Variants in ECE1 observed in about 807,000 individuals in gnomAD.
The protein encoded by ECE1 is endothelin-converting enzyme 1.
Under a neutral mutation model 98.6 loss-of-function variants are expected in ECE1, and 35 were observed. The ratio of observed to expected loss-of-function variants is 0.35; its 90% CI spans 0.27 to 0.47. The LOEUF is 0.47. Ranked by LOEUF, ECE1 falls within the 20% of genes least tolerant of loss-of-function variation. ECE1 has a pLI of 1.00. For missense variants in ECE1, 814 were observed against 1,025.3 expected (o/e 0.79, Z 2.81); for synonymous variants, 394 against 407.1 (o/e 0.97, Z 0.39).
intron 2 of ECE1, among the ~76,000 whole-genome samples, chr1:21,283,244 C>T (rs923262164): frequency 3.3e-5 from 5 of 151,636 alleles, no homozygotes; most frequent in African/African-American, 1.2e-4. Context: ...AGCGCCCGGC[C>T]CATAACATTC....
chr1:21,275,378 T>G (rs2098245333), intron 3 of ECE1, among the ~76,000 whole-genome samples: 1 of 152,186 alleles, frequency 6.6e-6, no homozygotes, highest in East Asian at 1.9e-4. Flanking sequence ...GCGGATCACC[T>G]GAGGTCAGGA....
chr1:21,221,231 G>T (rs749778273), intron 18 of ECE1, among the ~76,000 whole-genome samples: 11 of 152,132 alleles, frequency 7.2e-5, no homozygotes, highest in Non-Finnish European at 1.5e-4. Context: ...GTGCAGTGGC[G>T]TGATCTTGGT....
At chr1:21,280,720 A>C (rs1040491119) in intron 2 of ECE1, among the ~76,000 whole-genome samples, 3 of 152,138 alleles carry the variant, frequency 2.0e-5, no homozygotes, top group Non-Finnish European at 4.4e-5. Context: ...CAGAGCCCTG[A>C]GGGAGTCCCA....
chr1:21,302,723 A>G (rs1638512410), intron 1 of ECE1, among the ~76,000 whole-genome samples: 1 of 152,160 alleles, frequency 6.6e-6, no homozygotes, highest in Non-Finnish European at 1.5e-5. Context: ...CCTGGGCCTC[A>G]GTTTCCTCCC....
intron 1 of ECE1, among the ~76,000 whole-genome samples, chr1:21,317,232 G>A (rs2103397177): frequency 6.6e-6 from 1 of 152,286 alleles, no homozygotes; most frequent in Admixed American, 6.5e-5. Flanking sequence ...CCAGCCCTGT[G>A]CTTTGCTGCC....
At chr1:21,304,892 T>C (rs1415374233) in intron 1 of ECE1, among the ~76,000 whole-genome samples, 1 of 152,170 alleles carries the variant, frequency 6.6e-6, no homozygotes, top group Non-Finnish European at 1.5e-5. Flanking sequence ...TCCTTTGTAG[T>C]GCTGAACATA....
chr1:21,252,464 G>T (rs1026758968), intron 8 of ECE1, among the ~76,000 whole-genome samples: 7 of 152,204 alleles, frequency 4.6e-5, no homozygotes, highest in African/African-American at 1.4e-4. Flanking sequence ...ATTCAAATAG[G>T]TTTGAAACTG....
chr1:21,237,862 T>A (rs917034310), intron 11 of ECE1, among the ~76,000 whole-genome samples: 8 of 152,208 alleles, frequency 5.3e-5, no homozygotes, highest in African/African-American at 1.9e-4. Flanking sequence ...TCACAGCCCT[T>A]GGAGGTGGGG....
Position 21,218,602 on chromosome 1 carries a change from T to G in ECE1, c.*1353A>C, listed in dbSNP as rs1176138309. 1 of 152,442 alleles carries G rather than the reference T, an allele frequency of 6.6e-6. No homozygotes were observed. The highest frequency in any genetic ancestry group is 1.5e-5 in the Non-Finnish European group (1 of 68,308). 9.4% of individuals were successfully genotyped at this position (152,442 alleles called of 1,614,324 possible). On this transcript the variant is annotated 3_prime_UTR_variant, in exon 19 of 19. Transcript: ENST00000374893. This position sits in a 1 kb window ranked among gnomAD's most constrained non-coding sequence, Gnocchi z 4.0. ...TGACAGCTGTTTCTCTTTTCTTTTT[T>G]TTGGGACGGAGTCTCCCTCTGTCAC... is the stretch of plus-strand genomic sequence containing the variant.
intron 14 of ECE1, among the ~76,000 whole-genome samples, chr1:21,229,485 C>T (rs1013513970): frequency 1.3e-5 from 2 of 152,130 alleles, no homozygotes; most frequent in Admixed American, 6.6e-5. Context: ...GGACATCTGG[C>T]AGACATTTTC....
At chr1:21,285,692 A>G (rs1411240397) in intron 2 of ECE1, among the ~76,000 whole-genome samples, 13 of 148,928 alleles carry the variant, frequency 8.7e-5, no homozygotes, top group African/African-American at 3.2e-4. Context: ...CCTGCCTCAA[A>G]AAAAAAAAAA....
At chr1:21,326,796 A>G (rs1302080014) in intron 1 of ECE1, among the ~76,000 whole-genome samples, 2 of 152,098 alleles carry the variant, frequency 1.3e-5, no homozygotes, top group Non-Finnish European at 2.9e-5. Flanking sequence ...CGGAGCCTGG[A>G]TGGGGAAGCA....
At chr1:21,223,202 C>T (rs1018498956) in intron 17 of ECE1, among the ~76,000 whole-genome samples, 2 of 151,900 alleles carry the variant, frequency 1.3e-5, no homozygotes, top group Non-Finnish European at 2.9e-5. Context: ...GTCTTGAAGT[C>T]GAGCTTGTGA....
At chr1:21,315,442 C>T (rs12735315) in intron 1 of ECE1, among the ~76,000 whole-genome samples, 11,214 of 152,184 alleles carry the variant, frequency 0.074, 563 homozygotes, top group Non-Finnish European at 0.11. Context: ...CTCACCCTCA[C>T]GGCGTCTAGG....
intron 1 of ECE1, among the ~76,000 whole-genome samples, chr1:21,296,049 C>T (rs1378620256): frequency 6.6e-6 from 1 of 152,078 alleles, no homozygotes; most frequent in African/African-American, 2.4e-5. Context: ...TCTTCCTCAC[C>T]ACCCCTCCCA....
At chr1:21,289,263 T>C (rs952055572) in intron 2 of ECE1, among the ~76,000 whole-genome samples, 1 of 151,964 alleles carries the variant, frequency 6.6e-6, no homozygotes, top group South Asian at 2.1e-4. Flanking sequence ...CTGGGTCTCC[T>C]AGGGTGTCCG....
intron 16 of ECE1, among the ~76,000 whole-genome samples, chr1:21,226,696 A>G (rs2098174670): frequency 6.6e-6 from 1 of 152,170 alleles, no homozygotes; most frequent in Non-Finnish European, 1.5e-5. Flanking sequence ...ACACCTGGCT[A>G]AATTTTTACT....
chr1:21,287,673 G>T (rs2098262179), intron 2 of ECE1, among the ~76,000 whole-genome samples: 1 of 152,204 alleles, frequency 6.6e-6, no homozygotes, highest in Non-Finnish European at 1.5e-5. Context: ...ACAGTGGATT[G>T]AATAAATATA....
rs2098223500 is a variant in ECE1 at position 21,258,995 on chromosome 1, G to C, written c.616-156C>G. ...AGGAAAGGATTGGTCTTCATCGGGGGTTTCCGACCCATGAGCTGGAGACCC... is the reference window on the plus strand; with the variant it reads ...AGGAAAGGATTGGTCTTCATCGGGGCTTTCCGACCCATGAGCTGGAGACCC... On this transcript the variant is annotated intron_variant, in intron 5 of 18. Transcript: ENST00000374893. The surrounding 1 kb of genome is among the most constrained non-coding windows in gnomAD (Gnocchi z 4.2). Among the ~76,000 whole-genome samples, 1 of 152,126 alleles carries C rather than the reference G, an allele frequency of 6.6e-6. No homozygotes were observed. Among genetic ancestry groups the C allele is most frequent in the Non-Finnish European group, 1.5e-5 (1 of 68,026 alleles).
Sources: gnomAD v4.1 joint callset for allele counts (sites outside exome capture counted in the v4.1 genomes callset) on GRCh38, gnomAD v4.1.1 for gene constraint, Gnocchi (gnomAD v3.1) non-coding constraint, MANE v1.5 for transcripts, NCBI Gene and HGNC (gene_info 2026-07-23, HGNC 2026-07-21) for gene names.